Variants in USP9X observed in about 807,000 individuals in gnomAD.
The protein encoded by USP9X is ubiquitin carboxyl-terminal hydrolase 9X.
In USP9X, 7 loss-of-function variants were observed where a neutral mutation model predicts 190.3. The ratio of observed to expected loss-of-function variants is 0.04; its 90% CI spans 0.02 to 0.07. The LOEUF is 0.07. Ranked by LOEUF, USP9X falls within the 10% of genes least tolerant of loss-of-function variation. The probability of loss-of-function intolerance (pLI) is 1.00; values close to 1 mark genes in which losing one functional copy is unlikely to be tolerated. For synonymous variants in USP9X, 645 were observed against 659.5 expected, an observed-to-expected ratio of 0.98 and a Z score of 0.34; for missense variants, 1,010 against 1,916.9, an observed-to-expected ratio of 0.53 and a Z score of 8.83.
intron 35 of USP9X, 103 bp from the exon 36 acceptor site, chrX:41,217,117 C>A: frequency 1.0e-6 from 1 of 954,514 alleles, no homozygotes; most frequent in South Asian, 2.9e-5. Flanking sequence ...GAGAAGGGTT[C>A]TTAACAAATT....
In USP9X at chrX:41,125,688, T is replaced by A. The variant is rs866965117; in HGVS notation, c.96+1964T>A. ...CACACACACACACACACACACACTC[T>A]CTCTCTCTCTCTCTCTCTCTCTCTC... On this transcript the variant is annotated intron_variant, in intron 2 of 44. Coordinates refer to ENST00000378308, the MANE Select transcript of USP9X (RefSeq NM_001039591.3). 7.6e-3 allele frequency among the ~76,000 whole-genome samples: 349 copies of A among 45,849 alleles called. 2 individuals are homozygous for A. Among genetic ancestry groups the A allele is most frequent in the East Asian group, 0.014 (15 of 1,089 alleles). 39.8% of individuals were successfully genotyped at this position (45,849 alleles called of 115,157 possible). A position where few individuals can be genotyped will look rare whatever the true frequency, so the allele number is the denominator to read the frequency against.
intron 1 of USP9X, among the ~76,000 whole-genome samples, chrX:41,115,255 A>G (rs757294427): frequency 4.3e-4 from 46 of 106,484 alleles, no homozygotes; most frequent in South Asian, 8.2e-4. Context: ...AAAAAAAAAA[A>G]GTAGTGAGGT....
chrX:41,090,514 CAT>C (rs897802749), intron 1 of USP9X, among the ~76,000 whole-genome samples: 5 of 112,512 alleles, frequency 4.4e-5, no homozygotes, highest in Non-Finnish European at 9.4e-5. Flanking sequence ...TGTATACACA[CAT>C]ATCTTATATT....
intron 41 of USP9X, 77 bp downstream of exon 41, chrX:41,225,214 A>T (rs929921244): frequency 5.2e-6 from 5 of 954,854 alleles, no homozygotes; most frequent in Admixed American, 2.4e-5. Flanking sequence ...CAGTCACCAC[A>T]TTTTTTTTAA....
chrX:41,147,420 A>G (rs775647593), intron 11 of USP9X, among the ~76,000 whole-genome samples: 72 of 107,296 alleles, frequency 6.7e-4, no homozygotes, highest in African/African-American at 2.3e-3. Flanking sequence ...AATTCCATTG[A>G]ACTAATCTTC....
intron 1 of USP9X, among the ~76,000 whole-genome samples, chrX:41,107,715 T>C (rs1455416827): frequency 8.9e-6 from 1 of 112,223 alleles, no homozygotes; most frequent in Admixed American, 9.5e-5. Context: ...TCATTTTTTT[T>C]CTCTGTTATT....
At chrX:41,220,060 T>C (rs2063247219) in intron 38 of USP9X, among the ~76,000 whole-genome samples, 1 of 112,136 alleles carries the variant, frequency 8.9e-6, no homozygotes, top group East Asian at 2.8e-4. Flanking sequence ...GTTTCAGGTT[T>C]TTTTTCTGTG....
At chrX:41,151,620 G>A (rs1349370310) in intron 13 of USP9X, among the ~76,000 whole-genome samples, 2 of 112,211 alleles carry the variant, frequency 1.8e-5, no homozygotes, top group African/African-American at 6.5e-5. Flanking sequence ...TATTCACAGT[G>A]GAGTCAGGAT....
intron 21 of USP9X, among the ~76,000 whole-genome samples, chrX:41,173,612 G>A (rs747094290): frequency 9.0e-6 from 1 of 111,454 alleles, no homozygotes; most frequent in African/African-American, 3.3e-5. Flanking sequence ...AATTAATGTC[G>A]ATTCATTACT....
chrX:41,166,259 T>A (rs2062677589), intron 16 of USP9X, 45 bp downstream of exon 16: 1 of 937,564 alleles, frequency 1.1e-6, no homozygotes, highest in Admixed American at 3.1e-5. Flanking sequence ...TGATGTACTT[T>A]TTCATGTACG....
chrX:41,205,890 T>TC (rs1194830094), intron 32 of USP9X, among the ~76,000 whole-genome samples: 2 of 98,834 alleles, frequency 2.0e-5, no homozygotes, highest in Non-Finnish European at 4.2e-5. Flanking sequence ...TCTTTTTCTT[T>TC]TTTTCTTTTT....
Position 41,125,684 on chromosome X carries a change from A to ACTCTCTCTCTCT in USP9X, c.96+1984_96+1995dup, listed in dbSNP as rs1555918325. On this transcript the variant is annotated intron_variant, in intron 2 of 44. Transcript: ENST00000378308. ...CACACACACACACACACACACACAC[A>ACTCTCTCTCTCT]CTCTCTCTCTCTCTCTCTCTCTCTC... 8.1e-3 allele frequency among the ~76,000 whole-genome samples: 153 copies of ACTCTCTCTCTCT among 18,943 alleles called. 1 individual carries two copies. Among genetic ancestry groups the ACTCTCTCTCTCT allele is most frequent in the Non-Finnish European group, 8.5e-3 (94 of 11,110 alleles). The allele number at this position is 18,943 out of a possible 115,157, so 16.4% of individuals were successfully genotyped here.
intron 11 of USP9X, among the ~76,000 whole-genome samples, chrX:41,147,450 GTTTTTT>G (rs760854080): frequency 2.9e-5 from 2 of 69,795 alleles, no homozygotes; most frequent in Non-Finnish European, 5.2e-5. Flanking sequence ...CTTAATCGTT[GTTTTTT>G]TTTTTTTTTT....
At chrX:41,109,495 T>G (rs1488458359) in intron 1 of USP9X, among the ~76,000 whole-genome samples, 1 of 112,293 alleles carries the variant, frequency 8.9e-6, no homozygotes, top group African/African-American at 3.2e-5. Flanking sequence ...AAAGAATACA[T>G]TTCTGCTGCC....
intron 25 of USP9X, 56 bp from the exon 26 acceptor site, chrX:41,189,253 T>G: frequency 7.9e-6 from 9 of 1,144,605 alleles, no homozygotes; most frequent in Non-Finnish European, 9.5e-6. Context: ...AGAAGTTGTG[T>G]GAGATTTTTC....
In USP9X at chrX:41,187,273, T is replaced by C. The variant is rs73480446; in HGVS notation, c.3684+631T>C. Among the ~76,000 whole-genome samples the C allele has an allele frequency of 3.5e-3, 396 of 112,803 alleles. 2 individuals are homozygous for C. Among genetic ancestry groups the C allele is most frequent in the African/African-American group, 0.012 (368 of 31,059 alleles). On this transcript the variant is annotated intron_variant, in intron 24 of 44. Coordinates refer to ENST00000378308, the MANE Select transcript of USP9X (RefSeq NM_001039591.3). ...TCTTTTTGTCCCTAGAGAGTATTTT[T>C]TGTCTTCTGGAGTTTTATATAGGTG...
chrX:41,220,906 T>C (rs1221107646), intron 38 of USP9X, among the ~76,000 whole-genome samples: 3 of 102,443 alleles, frequency 2.9e-5, no homozygotes, highest in Admixed American at 1.1e-4. Context: ...ATCGCGCCAC[T>C]GCACTCCAGC....
intron 14 of USP9X, among the ~76,000 whole-genome samples, chrX:41,158,874 G>T (rs1046469575): frequency 1.8e-5 from 2 of 111,787 alleles, no homozygotes; most frequent in Non-Finnish European, 3.8e-5. Context: ...AAAAGCATTT[G>T]TCCAATCCAG....
intron 6 of USP9X, among the ~76,000 whole-genome samples, chrX:41,138,952 G>C (rs2062398695): frequency 8.9e-6 from 1 of 112,625 alleles, no homozygotes; most frequent in African/African-American, 3.2e-5. Context: ...GAAAGCTGTT[G>C]TTGGCAGCTG....
Sources: gnomAD v4.1 joint callset for allele counts (sites outside exome capture counted in the v4.1 genomes callset) on GRCh38, gnomAD v4.1.1 for gene constraint, MANE v1.5 for transcripts, NCBI Gene and HGNC (gene_info 2026-07-23, HGNC 2026-07-21) for gene names.